The following WASHC2A variants were observed in gnomAD, a reference collection of about 807,000 sequenced individuals.
WASHC2A encodes the protein WASH complex subunit FAM21A.
Under a neutral mutation model 140.3 loss-of-function variants are expected in WASHC2A, and 82 were observed. The observed-to-expected ratio is 0.58, with a 90% CI of 0.49 to 0.70. The LOEUF is 0.70. WASHC2A is among the 30% of genes least tolerant of loss of function. The pLI is 0.00. For synonymous variants in WASHC2A, 340 were observed against 560.8 expected (o/e 0.61, Z 5.56); for missense variants, 985 against 1,521.8 (o/e 0.65, Z 5.87).
intron 23 of WASHC2A, among the ~76,000 whole-genome samples, chr10:50,124,869 C>CATATATATATATATATATATATAT (rs3067568): frequency 1.3e-5 from 2 of 149,184 alleles, no homozygotes; most frequent in African/African-American, 4.9e-5. Flanking sequence ...AAAGCTTGTG[C>CATATATATATATATATATATATAT]ATATATATAT....
chr10:50,120,512 T>C (rs1205526985), intron 23 of WASHC2A, among the ~76,000 whole-genome samples: 2 of 129,716 alleles, frequency 1.5e-5, no homozygotes, highest in Admixed American at 7.9e-5. Context: ...CCCAGCTACT[T>C]GGGAGGCTGA....
chr10:50,110,497 A>G (rs1185177503), intron 20 of WASHC2A, among the ~76,000 whole-genome samples: 1 of 151,006 alleles, frequency 6.6e-6, no homozygotes, highest in Non-Finnish European at 1.5e-5. Context: ...TTATTTTTTA[A>G]CCATATTCTT....
chr10:50,070,413 C>G (rs1281103144), intron 3 of WASHC2A, among the ~76,000 whole-genome samples: 1 of 151,958 alleles, frequency 6.6e-6, no homozygotes, highest in Non-Finnish European at 1.5e-5. Context: ...CATAGGGTGT[C>G]CCAACTTTCT....
At chr10:50,088,351 C>T (rs1417945601) in intron 8 of WASHC2A, among the ~76,000 whole-genome samples, 6 of 144,450 alleles carry the variant, frequency 4.2e-5, no homozygotes, top group East Asian at 4.3e-4. Flanking sequence ...ATGTAATCTC[C>T]GCCTACAGGG....
At chr10:50,076,811 T>C (rs1403294545) in intron 3 of WASHC2A, among the ~76,000 whole-genome samples, 4 of 141,122 alleles carry the variant, frequency 2.8e-5, no homozygotes, top group East Asian at 4.8e-4. Flanking sequence ...AAACCCCATC[T>C]CTACTAAAAA....
chr10:50,072,276 C>T lies in WASHC2A; in HGVS notation c.291+2565C>T, dbSNP rs547578446. 7.5e-3 allele frequency among the ~76,000 whole-genome samples: 1,138 copies of T among 150,926 alleles called. 7 individuals are homozygous for T. Among genetic ancestry groups the T allele is most frequent in the Non-Finnish European group, 0.012 (841 of 67,658 alleles). ...TTAGTGTTAAGTCTTGATGCCCCTT[C>T]GCCTTCCAGTCTGCAGCCAGAACTC... On this transcript the variant is annotated intron_variant, in intron 3 of 30. Transcript: ENST00000282633.
intron 19 of WASHC2A, among the ~76,000 whole-genome samples, chr10:50,107,389 C>A (rs1467996143): frequency 6.9e-6 from 1 of 145,534 alleles, no homozygotes; most frequent in Non-Finnish European, 1.5e-5. Flanking sequence ...TAGTTGCTAA[C>A]TCAATCAGAT....
intron 3 of WASHC2A, among the ~76,000 whole-genome samples, chr10:50,075,300 A>G (rs1554877474): frequency 6.6e-6 from 1 of 151,170 alleles, no homozygotes; most frequent in African/African-American, 2.4e-5. Flanking sequence ...AGCACCTAGC[A>G]TCAGTGGTTT....
intron 17 of WASHC2A, among the ~76,000 whole-genome samples, chr10:50,102,276 G>T (rs61843904): frequency 0.026 from 3,900 of 152,246 alleles, 70 homozygotes; most frequent in Middle Eastern, 0.051. Context: ...GAAGGAATGC[G>T]TCCTGACTCC....
chr10:50,106,009 G>T (rs1554888388), intron 18 of WASHC2A, among the ~76,000 whole-genome samples: 1 of 152,238 alleles, frequency 6.6e-6, no homozygotes, highest in Non-Finnish European at 1.5e-5. Flanking sequence ...GTAACCCCCT[G>T]AAATGAGCAG....
intron 5 of WASHC2A, among the ~76,000 whole-genome samples, chr10:50,082,745 G>T: frequency 6.8e-6 from 1 of 147,862 alleles, no homozygotes; most frequent in Admixed American, 6.8e-5. Context: ...TCCCAAAAGT[G>T]CTGGGATTAC....
intron 11 of WASHC2A, 44 bp downstream of exon 11, chr10:50,092,277 C>T: frequency 8.4e-7 from 1 of 1,187,186 alleles, no homozygotes; most frequent in Non-Finnish European, 1.2e-6. Context: ...AGCCTGTTGA[C>T]TAAGGAATGT....
At chr10:50,109,927 G>A (rs1206690817) in intron 19 of WASHC2A, among the ~76,000 whole-genome samples, 174 bp from the exon 20 acceptor site, 19 of 151,444 alleles carry the variant, frequency 1.3e-4, no homozygotes, top group East Asian at 5.8e-4. Context: ...CCGCCACCAC[G>A]CCCGGCTAAT....
intron 19 of WASHC2A, among the ~76,000 whole-genome samples, chr10:50,107,936 T>G (rs1274768790): frequency 1.3e-5 from 1 of 75,196 alleles, no homozygotes; most frequent in Non-Finnish European, 2.8e-5. Context: ...AAAAAGCTTA[T>G]GCAACACACA....
At position 50,099,368 on chromosome 10, in the gene WASHC2A, C is replaced by G. The variant is rs1462413348; in HGVS notation, c.1549-610C>G. On this transcript the variant is annotated intron_variant, in intron 16 of 30. Transcript: ENST00000282633. ...CACTGCAGCCTCAACCTCCTGGGTT[C>G]AAGCGATTCTCCAGCCTCAGCCTAC... Among the ~76,000 whole-genome samples, 12 of 150,766 alleles carry G rather than the reference C, an allele frequency of 8.0e-5. 1 individual carries two copies. Among genetic ancestry groups the G allele is most frequent in the Non-Finnish European group, 1.6e-4 (11 of 67,774 alleles).
intron 2 of WASHC2A, among the ~76,000 whole-genome samples, chr10:50,068,642 A>G (rs1460739476): frequency 6.7e-6 from 1 of 149,170 alleles, no homozygotes; most frequent in South Asian, 2.1e-4. Context: ...GGAGTCCCAA[A>G]TGAATAGGAT....
At chr10:50,129,197 A>G (rs1259844674) in intron 28 of WASHC2A, among the ~76,000 whole-genome samples, 2 of 152,046 alleles carry the variant, frequency 1.3e-5, no homozygotes, top group Non-Finnish European at 2.9e-5. Context: ...AAAATGGAGA[A>G]CTCTAAAGGA....
Position 50,091,421 on chromosome 10 carries a change from C to T in WASHC2A, c.844-10C>T, listed in dbSNP as rs1389302564. On this transcript the variant is annotated splice_polypyrimidine_tract_variant and intron_variant, in intron 9 of 30. Transcript: ENST00000282633. ...CAAAAAAGCGATTCTTTTGATTTCT[C>T]CTGCTGTAGAAAAGAAGCAGACCTA... 3.8e-4 allele frequency: 585 copies of T among 1,549,230 alleles called. 7 individuals are homozygous for T. The East Asian group carries it at 0.013, about 34-fold the overall frequency.
chr10:50,130,873 A>G (rs1424777947), intron 29 of WASHC2A, 28 bp from the exon 30 acceptor site: 528,281 of 1,580,362 alleles, frequency 0.33, 94,128 homozygotes, highest in Admixed American at 0.44. Flanking sequence ...ATTTAACATT[A>G]TTTTGTATGT....
Sources: gnomAD v4.1 joint callset for allele counts (sites outside exome capture counted in the v4.1 genomes callset) on GRCh38, gnomAD v4.1.1 for gene constraint, MANE v1.5 for transcripts, NCBI Gene and HGNC (gene_info 2026-07-23, HGNC 2026-07-21) for gene names.